PTPRM: variants seen among roughly 807,000 people sequenced by gnomAD.
The protein encoded by PTPRM is receptor-type tyrosine-protein phosphatase mu.
A neutral mutation model predicts 186.7 loss-of-function variants in PTPRM; 47 were observed. That is an observed-to-expected ratio of 0.25 (90% confidence interval 0.20 to 0.32). PTPRM has a LOEUF of 0.32. Among genes scored for constraint, PTPRM ranks in the 10% least tolerant of loss-of-function variants. The probability of loss-of-function intolerance (pLI) is 1.00; values close to 1 mark genes in which losing one functional copy is unlikely to be tolerated. For synonymous variants in PTPRM, 668 were observed against 674.9 expected (o/e 0.99, Z 0.16); for missense variants, 1,494 against 1,865.0 (o/e 0.80, Z 3.66).
chr18:7,925,668 G>A (rs2051131000), intron 4 of PTPRM, among the ~76,000 whole-genome samples: 2 of 152,054 alleles, frequency 1.3e-5, no homozygotes, highest in South Asian at 2.1e-4. Flanking sequence ...CATCCCCTTT[G>A]CTTCCCACCT....
At chr18:8,145,798 T>C (rs982642364) in intron 14 of PTPRM, among the ~76,000 whole-genome samples, 16 of 152,354 alleles carry the variant, frequency 1.1e-4, no homozygotes, top group Admixed American at 1.0e-3. Flanking sequence ...AACATACCTA[T>C]ACATGTATCT....
intron 1 of PTPRM, among the ~76,000 whole-genome samples, chr18:7,762,330 AG>A (rs1199245048): frequency 6.6e-6 from 1 of 151,544 alleles, no homozygotes; most frequent in African/African-American, 2.4e-5. Context: ...ATGCTGGGGG[AG>A]GGGTGGGACA....
chr18:7,916,827 C>A (rs186477159), intron 4 of PTPRM, among the ~76,000 whole-genome samples: 41 of 152,112 alleles, frequency 2.7e-4, no homozygotes, highest in African/African-American at 9.9e-4. Context: ...TAGGTATTTG[C>A]AAATATACCA....
intron 1 of PTPRM, among the ~76,000 whole-genome samples, chr18:7,691,790 T>C (rs2039739344): frequency 6.6e-6 from 1 of 151,976 alleles, no homozygotes; most frequent in Non-Finnish European, 1.5e-5. Flanking sequence ...AAAAAAACAA[T>C]TGGTCATGGT....
chr18:8,114,589 T>C (rs1425713969), intron 12 of PTPRM, among the ~76,000 whole-genome samples: 1 of 152,210 alleles, frequency 6.6e-6, no homozygotes, highest in Non-Finnish European at 1.5e-5. Context: ...TCACCTGGTC[T>C]AGAAATGCCC....
intron 1 of PTPRM, among the ~76,000 whole-genome samples, chr18:7,647,370 T>G (rs879400741): frequency 6.6e-6 from 1 of 152,178 alleles, no homozygotes; most frequent in Non-Finnish European, 1.5e-5. Flanking sequence ...ACTAATATAT[T>G]TCTGGGCTTC....
chr18:7,793,531 T>C (rs1426148483), intron 2 of PTPRM, among the ~76,000 whole-genome samples: 1 of 152,224 alleles, frequency 6.6e-6, no homozygotes, highest in African/African-American at 2.4e-5. Flanking sequence ...TGTTCCACTG[T>C]AGCAAAGCAG....
intron 2 of PTPRM, among the ~76,000 whole-genome samples, chr18:7,855,393 C>T (rs1268196962): frequency 6.6e-6 from 1 of 152,196 alleles, no homozygotes; most frequent in Non-Finnish European, 1.5e-5. Context: ...ACTCCTCTAT[C>T]TGATGGGATT....
At chr18:7,652,452 A>G (rs1476905704) in intron 1 of PTPRM, among the ~76,000 whole-genome samples, 1 of 152,062 alleles carries the variant, frequency 6.6e-6, no homozygotes, top group Non-Finnish European at 1.5e-5. Context: ...ACACATGCAA[A>G]CGTATGTTTA....
intron 1 of PTPRM, among the ~76,000 whole-genome samples, chr18:7,745,236 T>G (rs546352341): frequency 6.6e-6 from 1 of 152,262 alleles, no homozygotes; most frequent in East Asian, 1.9e-4. Flanking sequence ...AGCCAACCCT[T>G]TTGCTAAGAA....
chr18:8,213,412 C>T (rs570854606), intron 14 of PTPRM, among the ~76,000 whole-genome samples: 5 of 152,288 alleles, frequency 3.3e-5, no homozygotes, highest in African/African-American at 1.2e-4. Flanking sequence ...ATTTAACGGT[C>T]ACCCGTGTTT....
chr18:7,964,013 T>G (rs1342725594), intron 7 of PTPRM, among the ~76,000 whole-genome samples: 1 of 152,130 alleles, frequency 6.6e-6, no homozygotes, highest in Non-Finnish European at 1.5e-5. Context: ...CATCTTAATT[T>G]CCCCCAAATC....
chr18:8,294,053 C>T (rs2095068936), intron 19 of PTPRM, among the ~76,000 whole-genome samples: 1 of 152,086 alleles, frequency 6.6e-6, no homozygotes, highest in Non-Finnish European at 1.5e-5. Context: ...GAGTTCGAGA[C>T]CAGCCTGGCC....
intron 1 of PTPRM, among the ~76,000 whole-genome samples, chr18:7,572,605 A>G (rs1417266359): frequency 3.9e-5 from 6 of 152,186 alleles, no homozygotes; most frequent in Admixed American, 1.3e-4. Flanking sequence ...CCCAAGGCTT[A>G]GTTTTCATTT....
intron 1 of PTPRM, among the ~76,000 whole-genome samples, chr18:7,592,670 A>G (rs1251638063): frequency 6.6e-6 from 1 of 152,238 alleles, no homozygotes; most frequent in African/African-American, 2.4e-5. Flanking sequence ...TAATCTTTAT[A>G]GTCAGCAGGG....
chr18:8,139,590 A>G (rs578001060), intron 13 of PTPRM, among the ~76,000 whole-genome samples: 80 of 152,212 alleles, frequency 5.3e-4, no homozygotes, highest in South Asian at 1.2e-3. Flanking sequence ...CCCCACCCTA[A>G]AATTATGCTT....
intron 1 of PTPRM, among the ~76,000 whole-genome samples, chr18:7,617,303 TGA>T (rs1323014970): frequency 1.8e-4 from 27 of 152,310 alleles, no homozygotes; most frequent in Middle Eastern, 3.4e-3. Context: ...ATTTGTAGGT[TGA>T]ATAATTAGAC....
At chr18:7,644,010 A>AT (rs1459812992) in intron 1 of PTPRM, among the ~76,000 whole-genome samples, 1 of 152,186 alleles carries the variant, frequency 6.6e-6, no homozygotes, top group Non-Finnish European at 1.5e-5. Context: ...TGTAATGGGA[A>AT]TGTTTTCTCT....
rs547796954 is a variant in PTPRM at position 8,028,875 on chromosome 18, A to G, written c.1133-40811A>G. ...GTCTCCTTCACCACTGTGCCCTTTA[A>G]TATTGGCAATAACATCTCAAATGCT... On this transcript the variant is annotated intron_variant, in intron 7 of 32. Coordinates refer to ENST00000580170, the MANE Select transcript of PTPRM (RefSeq NM_001105244.2). Among the ~76,000 whole-genome samples, 9 of 152,326 alleles carry G rather than the reference A, an allele frequency of 5.9e-5. No homozygotes were observed. The South Asian group carries it at 1.4e-3, about 25-fold the overall frequency.
Sources: allele counts gnomAD v4.1 joint callset (sites outside exome capture counted in the v4.1 genomes callset), GRCh38; gene constraint gnomAD v4.1.1; transcripts MANE v1.5; gene names NCBI Gene and HGNC (gene_info 2026-07-23, HGNC 2026-07-21).